The following LYRM4 variants were observed in gnomAD, a reference collection of about 807,000 sequenced individuals.
The protein encoded by LYRM4 is LYR motif containing 4, also known as LYR motif-containing protein 4.
A neutral mutation model predicts 11.7 loss-of-function variants in LYRM4; 9 were observed. The observed-to-expected ratio is 0.77, with a 90% confidence interval of 0.46 to 1.34. LYRM4 has a LOEUF of 1.34. LYRM4 is among the 40% of genes most tolerant of loss of function. LYRM4 has a pLI of 0.00. For synonymous variants in LYRM4, 42 were observed against 40.4 expected, an observed-to-expected ratio of 1.04 and a Z score of -0.15; for missense variants, 133 against 112.5, an observed-to-expected ratio of 1.18 and a Z score of -0.82.
the LYRM4 span, among the ~76,000 whole-genome samples, chr6:5,061,217 AATTT>A: frequency 3.9e-5 from 6 of 151,986 alleles, no homozygotes; most frequent in South Asian, 6.2e-4. Context: ...TTCTGATTTT[AATTT>A]ATTTATCAGC....
chr6:5,102,002 A>G (rs1762520766), downstream of LYRM4, among the ~76,000 whole-genome samples: 1 of 46,498 alleles, frequency 2.2e-5, no homozygotes, highest in African/African-American at 5.6e-5. Flanking sequence ...TATGTTGCCT[A>G]GGCTGGTCTT....
chr6:5,144,207 A>C (rs1298166785), intron 2 of LYRM4: 2 of 1,536,940 alleles, frequency 1.3e-6, no homozygotes, highest in East Asian at 4.9e-5. Flanking sequence ...GGGCTTCCCC[A>C]GGCTCCGGCT....
chr6:5,072,029 C>T, the LYRM4 span, among the ~76,000 whole-genome samples: 5 of 152,262 alleles, frequency 3.3e-5, no homozygotes, highest in South Asian at 1.0e-3. Flanking sequence ...CACCATGTGC[C>T]CATGTGTTCT....
chr6:5,232,779 C>G lies in LYRM4; in HGVS notation c.87-16041G>C, dbSNP rs546737277. The stretch of plus-strand genomic sequence containing the variant: ...TTCATTACTTGCCCTAAATCCAAGG[C>G]TGAGTTTTCTATACGCATAAATGCT... On this transcript the variant is annotated intron_variant, in intron 1 of 2. Coordinates refer to ENST00000330636, the MANE Select transcript of LYRM4 (RefSeq NM_020408.6). Among the ~76,000 whole-genome samples the G allele has an allele frequency of 4.0e-4, 61 of 152,304 alleles. 1 individual carries two copies. The highest frequency in any genetic ancestry group is 1.4e-3 in the African/African-American group (60 of 41,568).
chr6:5,222,014 C>T (rs998244286), intron 1 of LYRM4, among the ~76,000 whole-genome samples: 4 of 152,132 alleles, frequency 2.6e-5, no homozygotes, highest in East Asian at 1.9e-4. Context: ...AAATGGATCA[C>T]GATGCCTATG....
chr6:5,210,458 T>TAA (rs879752938), intron 2 of LYRM4, among the ~76,000 whole-genome samples: 10 of 145,712 alleles, frequency 6.9e-5, no homozygotes, highest in Admixed American at 4.8e-4. Context: ...TGCTTCCAGT[T>TAA]AAAAAAAAAA....
At chr6:5,154,804 G>C (rs1322963270) in intron 2 of LYRM4, among the ~76,000 whole-genome samples, 3 of 152,114 alleles carry the variant, frequency 2.0e-5, no homozygotes, top group Non-Finnish European at 4.4e-5. Context: ...GGGCGACAGA[G>C]CGAGACTCCG....
rs145399841 is a variant in LYRM4 at position 5,145,441 on chromosome 6, A to T, written c.208-35950T>A. ...GAGGAAACTGAGGTTCATAAAGATTAATAAAACATGTGCTTAATTTCCCTT... is the reference window on the plus strand; with the variant it reads ...GAGGAAACTGAGGTTCATAAAGATTTATAAAACATGTGCTTAATTTCCCTT... On this transcript the variant is annotated intron_variant, in intron 2 of 2. Transcript: ENST00000330636. Among the ~76,000 whole-genome samples the T allele has an allele frequency of 5.8e-3, 886 of 152,304 alleles. 10 individuals carry two copies. Among genetic ancestry groups the T allele is most frequent in the African/African-American group, 0.02 (838 of 41,560 alleles).
chr6:5,185,546 G>C (rs1466981605), intron 2 of LYRM4, among the ~76,000 whole-genome samples: 1 of 152,118 alleles, frequency 6.6e-6, no homozygotes, highest in Non-Finnish European at 1.5e-5. Context: ...CTGACACCAA[G>C]TGGGCATTCA....
At chr6:5,253,633 A>G (rs1764534732) in intron 1 of LYRM4, among the ~76,000 whole-genome samples, 1 of 152,152 alleles carries the variant, frequency 6.6e-6, no homozygotes, top group Non-Finnish European at 1.5e-5. Context: ...TGCAAAGGAG[A>G]CGAGAGCCTT....
intron 2 of LYRM4, among the ~76,000 whole-genome samples, chr6:5,190,119 G>A (rs1437852667): frequency 6.6e-6 from 1 of 152,116 alleles, no homozygotes; most frequent in African/African-American, 2.4e-5. Flanking sequence ...CTTGGAATCA[G>A]TTCTGAGTTG....
chr6:5,077,215 C>T, the LYRM4 span, among the ~76,000 whole-genome samples: 1 of 152,320 alleles, frequency 6.6e-6, no homozygotes, highest in South Asian at 2.1e-4. Flanking sequence ...CACTAGGTTC[C>T]TATAAGGATT....
chr6:5,165,066 C>A (rs1281508282), intron 2 of LYRM4, among the ~76,000 whole-genome samples: 1 of 151,528 alleles, frequency 6.6e-6, no homozygotes, highest in Non-Finnish European at 1.5e-5. Flanking sequence ...CATTTTAATG[C>A]AGTACTTTTG....
At chr6:5,083,519 T>C in the LYRM4 span, among the ~76,000 whole-genome samples, 2 of 152,096 alleles carry the variant, frequency 1.3e-5, no homozygotes, top group Non-Finnish European at 2.9e-5. Flanking sequence ...GGCTTAGTAG[T>C]GATGGGGGAA....
At chr6:5,176,366 G>A (rs575270570) in intron 2 of LYRM4, among the ~76,000 whole-genome samples, 14 of 152,122 alleles carry the variant, frequency 9.2e-5, no homozygotes, top group African/African-American at 3.4e-4. Flanking sequence ...CCTGGCCTAC[G>A]CTATTAAATT....
rs968428817 is a variant in LYRM4, at chr6:5,169,448, A to T, written c.207+47170T>A. Among the ~76,000 whole-genome samples, 15 of 152,368 alleles carry T rather than the reference A, an allele frequency of 9.8e-5. No homozygotes were observed. In the South Asian group the frequency reaches 1.2e-3, roughly 13 times the overall value. On this transcript the variant is annotated intron_variant, in intron 2 of 2. Transcript: ENST00000330636. ...ATGAGGAATTACAACGGGACTTTAA[A>T]TGACGGCCAAGAGTATAGTCAAATA...
chr6:5,183,452 T>TTA (rs1760197523), intron 2 of LYRM4, among the ~76,000 whole-genome samples: 1 of 152,228 alleles, frequency 6.6e-6, no homozygotes, highest in Admixed American at 6.5e-5. Flanking sequence ...GCTATTATTA[T>TTA]TATAGCCATA....
intron 2 of LYRM4, among the ~76,000 whole-genome samples, chr6:5,120,715 G>T (rs967973489): frequency 6.6e-6 from 1 of 152,142 alleles, no homozygotes; most frequent in African/African-American, 2.4e-5. Context: ...GGTCCATTTT[G>T]CGAACCTCTA....
At chr6:5,179,398 A>C (rs1003060554) in intron 2 of LYRM4, among the ~76,000 whole-genome samples, 3 of 152,098 alleles carry the variant, frequency 2.0e-5, no homozygotes, top group African/African-American at 7.2e-5. Flanking sequence ...ATCAAACACC[A>C]ACTCTCCATT....
Sources: gnomAD v4.1 joint callset for allele counts (sites outside exome capture counted in the v4.1 genomes callset) on GRCh38, gnomAD v4.1.1 for gene constraint, MANE v1.5 for transcripts, NCBI Gene and HGNC (gene_info 2026-07-23, HGNC 2026-07-21) for gene names.